Variants in TNPO3 observed in about 807,000 individuals in gnomAD.
TNPO3 encodes the protein transportin-3.
Under a neutral mutation model 122.8 loss-of-function variants are expected in TNPO3, and 65 were observed. The ratio of observed to expected loss-of-function variants is 0.53; its 90% CI spans 0.43 to 0.65. The LOEUF is 0.65. TNPO3 is among the 30% of genes least tolerant of loss of function. The probability of loss-of-function intolerance (pLI) is 0.00; values close to 1 mark genes in which losing one functional copy is unlikely to be tolerated. For synonymous variants in TNPO3, 372 were observed against 411.2 expected (o/e 0.90, Z 1.15); for missense variants, 850 against 1,136.7 (o/e 0.75, Z 3.63).
chr7:129,054,294 G>A (rs888112982), intron 1 of TNPO3, among the ~76,000 whole-genome samples: 1 of 152,188 alleles, frequency 6.6e-6, no homozygotes, highest in Non-Finnish European at 1.5e-5. Flanking sequence ...TTAAGCGGAA[G>A]GTGGAGAAAC....
rs145160097 is a variant in TNPO3 at position 128,983,146 on chromosome 7, G to A, written c.1783-822C>T. ...TGTTTTGTTATACTCCCTATCTTTCGGAGTTTAGGTGCAAGTGGCCAGCAT... is the reference window on the plus strand; with the variant it reads ...TGTTTTGTTATACTCCCTATCTTTCAGAGTTTAGGTGCAAGTGGCCAGCAT... On this transcript the variant is annotated intron_variant, in intron 13 of 22. Coordinates refer to ENST00000265388, the MANE Select transcript of TNPO3 (RefSeq NM_012470.4). 1.8e-4 allele frequency among the ~76,000 whole-genome samples: 27 copies of A among 152,180 alleles called. No homozygotes were observed. In the East Asian group the frequency reaches 2.1e-3, roughly 12 times the overall value.
At chr7:128,962,617 G>A (rs1797575764) in intron 21 of TNPO3, among the ~76,000 whole-genome samples, 1 of 152,190 alleles carries the variant, frequency 6.6e-6, no homozygotes, top group African/African-American at 2.4e-5. Context: ...GAATTACTAA[G>A]AGGGGATGAG....
rs1563107431 is a variant in TNPO3 at position 129,027,583 on chromosome 7, A to C, written c.121-9426T>G. Among the ~76,000 whole-genome samples, 7 of 138,804 alleles carry C rather than the reference A, an allele frequency of 5.0e-5. No individual in the cohort carries two copies. In the East Asian group the frequency reaches 6.1e-4, roughly 12 times the overall value. 91.1% of individuals were successfully genotyped at this position (138,804 alleles called of 152,430 possible). A position where few individuals can be genotyped will look rare whatever the true frequency, so the allele number is the denominator to read the frequency against. On this transcript the variant is annotated intron_variant, in intron 1 of 22. Coordinates refer to ENST00000265388, the MANE Select transcript of TNPO3 (RefSeq NM_012470.4). ...CAAAAAAAAAAAAAAAAAAAAAAAA[A>C]AAAAAAAACAACACAAAAAATTCAC...
chr7:129,015,338 A>G (rs1249012861), intron 3 of TNPO3, among the ~76,000 whole-genome samples: 3 of 151,318 alleles, frequency 2.0e-5, no homozygotes, highest in Non-Finnish European at 4.4e-5. Context: ...AAACATAGCC[A>G]TTATAATGAA....
chr7:129,003,801 G>C (rs1429342545), intron 5 of TNPO3, among the ~76,000 whole-genome samples: 3 of 152,126 alleles, frequency 2.0e-5, no homozygotes, highest in African/African-American at 4.8e-5. Context: ...CCTGACACTG[G>C]ATCAGTAGAG....
chr7:129,008,098 G>A (rs750449813), intron 4 of TNPO3, among the ~76,000 whole-genome samples: 5 of 151,926 alleles, frequency 3.3e-5, no homozygotes, highest in African/African-American at 4.8e-5. Flanking sequence ...GCAGTGAGCT[G>A]AGATTGCGCC....
chr7:129,031,590 G>C (rs1805956550), intron 1 of TNPO3, among the ~76,000 whole-genome samples: 2 of 152,082 alleles, frequency 1.3e-5, no homozygotes, highest in Admixed American at 1.3e-4. Context: ...GGACCAAATG[G>C]CTTTACTGGT....
At chr7:129,003,009 C>T (rs187358328) in intron 5 of TNPO3, among the ~76,000 whole-genome samples, 86 of 140,256 alleles carry the variant, frequency 6.1e-4, no homozygotes, top group South Asian at 4.3e-3. Context: ...CACTGCACTC[C>T]AGCCCCGGCG....
intron 1 of TNPO3, among the ~76,000 whole-genome samples, chr7:129,035,553 C>T (rs575595336): frequency 6.6e-6 from 1 of 152,142 alleles, no homozygotes; most frequent in African/African-American, 2.4e-5. Flanking sequence ...GAAGTCAAGG[C>T]CGCAGTGAGC....
At chr7:128,976,574 A>G (rs1209922619) in intron 16 of TNPO3, among the ~76,000 whole-genome samples, 1 of 152,134 alleles carries the variant, frequency 6.6e-6, no homozygotes, top group Non-Finnish European at 1.5e-5. Context: ...ACCAGGCTCA[A>G]GGGATCCTCC....
At chr7:128,989,879 AAC>A (rs1800568835) in intron 11 of TNPO3, 80 bp downstream of exon 11, 6 of 1,517,038 alleles carry the variant, frequency 4.0e-6, no homozygotes, top group Non-Finnish European at 3.6e-6. Context: ...CAGAAAGGAA[AAC>A]ACATGCAAAA....
rs568657640 is a variant in TNPO3, at chr7:129,027,279, G to T, written c.121-9122C>A. Among the ~76,000 whole-genome samples, 7 of 152,092 alleles carry T rather than the reference G, an allele frequency of 4.6e-5. No individual in the cohort carries two copies. In the East Asian group the frequency reaches 1.4e-3, roughly 29 times the overall value. Reference sequence around the variant, plus strand: ...TAAACTACCAGAAAAGATTCACTAAGACCAGGCACAGTGGCTCACACCTAT... The same window carrying T: ...TAAACTACCAGAAAAGATTCACTAATACCAGGCACAGTGGCTCACACCTAT... On this transcript the variant is annotated intron_variant, in intron 1 of 22. Coordinates refer to ENST00000265388, the MANE Select transcript of TNPO3 (RefSeq NM_012470.4).
At chr7:128,958,309 A>AT (rs1026403314) in intron 21 of TNPO3, among the ~76,000 whole-genome samples, 16 of 151,806 alleles carry the variant, frequency 1.1e-4, no homozygotes, top group African/African-American at 3.6e-4. Context: ...ACGCCCGACT[A>AT]TTTTTTTGTA....
chr7:128,974,293 T>C (rs1056716621), intron 18 of TNPO3, among the ~76,000 whole-genome samples: 1 of 144,604 alleles, frequency 6.9e-6, no homozygotes, highest in Non-Finnish European at 1.5e-5. Context: ...GATTTTTCTT[T>C]TTTTTTTTTT....
intron 14 of TNPO3, among the ~76,000 whole-genome samples, chr7:128,980,437 G>A (rs908985852): frequency 2.6e-5 from 4 of 152,066 alleles, no homozygotes; most frequent in African/African-American, 9.7e-5. Context: ...GTGAAAACCC[G>A]TCTCTACTAA....
At chr7:129,015,798 A>C (rs1228419525) in intron 3 of TNPO3, among the ~76,000 whole-genome samples, 1 of 152,194 alleles carries the variant, frequency 6.6e-6, no homozygotes, top group Non-Finnish European at 1.5e-5. Context: ...ACACCACTGC[A>C]CTTCAGCCTG....
chr7:128,974,998 T>G, intron 17 of TNPO3, 36 bp from the exon 18 acceptor site: 1 of 1,552,742 alleles, frequency 6.4e-7, no homozygotes, highest in Non-Finnish European at 8.9e-7. Flanking sequence ...GAAATGCTTT[T>G]TCAGAAATGC....
At chr7:129,006,434 C>T (rs1402764786) in intron 4 of TNPO3, among the ~76,000 whole-genome samples, 1 of 152,114 alleles carries the variant, frequency 6.6e-6, no homozygotes. Context: ...GAAAGTGATA[C>T]TACTATAAAT....
At position 129,000,559 on chromosome 7, in the gene TNPO3, T is replaced by C. The variant is rs770716657; in HGVS notation, c.881A>G (p.Asn294Ser). ...TAGTTCAGTGAAAATACGGCAGTAATTCAGAACTCTGTAGAAGACAGGGGA... is the reference window on the plus strand; with the variant it reads ...TAGTTCAGTGAAAATACGGCAGTAACTCAGAACTCTGTAGAAGACAGGGGA... ...VAREDLDKVL[N>S]YCRIFTELCE... Residue 294 changes from asparagine to serine, a missense_variant, in exon 7 of 23, where the codon AAT becomes AGT. Physicochemically the swap from Asn to Ser is conservative, Grantham distance 46. Transcript: ENST00000265388. 6.2e-7 allele frequency: 1 copy of C among 1,613,612 alleles called. No homozygotes were observed. The highest frequency in any genetic ancestry group is 1.7e-4 in the Middle Eastern group (1 of 5,902).
Sources: gnomAD v4.1 joint callset for allele counts (sites outside exome capture counted in the v4.1 genomes callset) on GRCh38, gnomAD v4.1.1 for gene constraint, MANE v1.5 for transcripts, NCBI Gene and HGNC (gene_info 2026-07-23, HGNC 2026-07-21) for gene names.